FAM234A: variants seen among roughly 807,000 people sequenced by gnomAD.
The protein encoded by FAM234A is protein FAM234A.
In FAM234A, 42 loss-of-function variants were observed where a neutral mutation model predicts 49.1. That is an observed-to-expected ratio of 0.86 (90% CI 0.67 to 1.11). The LOEUF (loss-of-function observed/expected upper bound fraction) is 1.11. FAM234A is among the 50% of genes least tolerant of loss of function. The probability of loss-of-function intolerance (pLI) is 0.00; values close to 1 mark genes in which losing one functional copy is unlikely to be tolerated. For synonymous variants in FAM234A, 369 were observed against 316.2 expected, an observed-to-expected ratio of 1.17 and a Z score of -1.77; for missense variants, 815 against 745.2, an observed-to-expected ratio of 1.09 and a Z score of -1.09.
At chr16:256,902 C>T (rs1418597187) in intron 3 of FAM234A, among the ~76,000 whole-genome samples, 1 of 151,968 alleles carries the variant, frequency 6.6e-6, no homozygotes, top group Non-Finnish European at 1.5e-5. Flanking sequence ...GCCACCACAC[C>T]CGGCTAATTT....
At position 254,448 on chromosome 16, in the gene FAM234A, AC is replaced by A; in HGVS notation, c.39del (p.Leu14Ter). 1 of 1,614,156 alleles carries A rather than the reference AC, an allele frequency of 6.2e-7. No individual in the cohort carries two copies. Among genetic ancestry groups the A allele is most frequent in the Non-Finnish European group, 8.5e-7 (1 of 1,180,020 alleles). On this transcript the variant is annotated frameshift_variant, in exon 3 of 13. Coordinates refer to ENST00000399932, the MANE Select transcript of FAM234A (RefSeq NM_032039.4). LOFTEE classifies it high-confidence loss of function. ...CACAAGGACTTAGAGGCCGAAATCC[AC>A]CCCTTGAAAAATGAAGAAAGAAAAT... The part of the protein sequence containing the change: ...LDHKDLEAEI[H>X]PLKNEERKSQ...
intron 6 of FAM234A, 75 bp from the exon 7 acceptor site, chr16:262,018 C>T: frequency 1.3e-6 from 2 of 1,502,970 alleles, no homozygotes; most frequent in East Asian, 2.3e-5. Flanking sequence ...TCAGGTCCTT[C>T]TCTTCCTGGG....
intron 2 of FAM234A, among the ~76,000 whole-genome samples, chr16:252,182 T>C (rs2051043396): frequency 7.8e-6 from 1 of 129,012 alleles, no homozygotes; most frequent in East Asian, 2.5e-4. Context: ...TTTTCTGTTT[T>C]TTGTTTTTTT....
chr16:241,194 G>C (rs1596744333), intron 1 of FAM234A, among the ~76,000 whole-genome samples: 1 of 151,988 alleles, frequency 6.6e-6, no homozygotes, highest in East Asian at 1.9e-4. Flanking sequence ...TCCCGAAGTT[G>C]CTGGGATTAC....
downstream of FAM234A, chr16:269,188 C>G: frequency 1.8e-6 from 2 of 1,140,228 alleles, no homozygotes; most frequent in Non-Finnish European, 2.6e-6. Context: ...CCCCCAGGAC[C>G]TGGGCCAAGA....
intron 10 of FAM234A, 105 bp from the exon 11 acceptor site, chr16:263,911 C>A: frequency 7.0e-7 from 1 of 1,436,086 alleles, no homozygotes; most frequent in Non-Finnish European, 9.7e-7. Context: ...CTCAGAGCAT[C>A]TGCCTCCAGG....
At chr16:251,829 C>T (rs534413370) in intron 2 of FAM234A, among the ~76,000 whole-genome samples, 1 of 150,650 alleles carries the variant, frequency 6.6e-6, no homozygotes, top group Admixed American at 6.6e-5. Context: ...TGGTGAAACC[C>T]CATCTCTACT....
chr16:254,085 G>A, intron 2 of FAM234A: 1 of 357,912 alleles, frequency 2.8e-6, no homozygotes, highest in Non-Finnish European at 5.2e-6. Flanking sequence ...GGAGCTCATT[G>A]AGCATTTCCT....
At chr16:263,941 C>G in intron 10 of FAM234A, 75 bp from the exon 11 acceptor site, 4 of 1,514,124 alleles carry the variant, frequency 2.6e-6, no homozygotes, top group Non-Finnish European at 3.6e-6. Context: ...GCTGAGGGCA[C>G]GTGTGCCTGT....
At position 253,024 on chromosome 16, in the gene FAM234A, C is replaced by A. The variant is rs116933226; in HGVS notation, c.-33-1357C>A. ...CATCGGTTTGGTTGTTTAAAAGGAA[C>A]CAAAATAACAAAAATCTTGCCTGAG... On this transcript the variant is annotated intron_variant, in intron 2 of 12. Coordinates refer to ENST00000399932, the MANE Select transcript of FAM234A (RefSeq NM_032039.4). 9.7e-3 allele frequency among the ~76,000 whole-genome samples: 1,481 copies of A among 152,316 alleles called. 76 individuals are homozygous for A. In the East Asian group the frequency reaches 0.16, roughly 16 times the overall value.
chr16:250,414 G>A (rs1384759997), intron 2 of FAM234A, among the ~76,000 whole-genome samples: 1 of 151,816 alleles, frequency 6.6e-6, no homozygotes, highest in African/African-American at 2.4e-5. Context: ...GACAACCCAC[G>A]TCCTGCCTTC....
chr16:235,585 G>A (rs1192959630), intron 1 of FAM234A, among the ~76,000 whole-genome samples: 2 of 152,240 alleles, frequency 1.3e-5, no homozygotes, highest in Admixed American at 1.3e-4. Flanking sequence ...TAAACCTTGT[G>A]ATTCCAGCTG....
intron 1 of FAM234A, among the ~76,000 whole-genome samples, chr16:241,492 G>A (rs1305909560): frequency 6.6e-6 from 1 of 152,102 alleles, no homozygotes; most frequent in East Asian, 1.9e-4. Flanking sequence ...GGGAGCCTGA[G>A]GCGGGAGGAT....
chr16:237,045 C>T (rs1385245150), intron 1 of FAM234A, among the ~76,000 whole-genome samples: 5 of 151,498 alleles, frequency 3.3e-5, no homozygotes, highest in African/African-American at 9.7e-5. Flanking sequence ...TGAGCCACTG[C>T]GCCCAGCCTG....
At position 263,707 on chromosome 16, in the gene FAM234A, A is replaced by G. The variant is rs750278669; in HGVS notation, c.1120A>G (p.Ile374Val). Residue 374 changes from isoleucine (I) to valine (V), a missense_variant, in exon 10 of 13, where the codon ATC becomes GTC. By Grantham distance (29) the Ile-to-Val change is conservative. Transcript: ENST00000399932. ...TCCTCCATATTGTTCCAGAAAACCC[A>G]TCTTCGGCCGCTACAAACCAGACAC... The part of the protein sequence containing the change: ...PKAAHVLRKP[I>V]FGRYKPDTLA... 149 of 1,613,556 alleles carry G rather than the reference A, an allele frequency of 9.2e-5. No homozygotes were observed. The highest frequency in any genetic ancestry group is 2.0e-4 in the East Asian group (9 of 44,890).
At chr16:235,715 C>T (rs1038095522) in intron 1 of FAM234A, among the ~76,000 whole-genome samples, 2 of 152,190 alleles carry the variant, frequency 1.3e-5, no homozygotes, top group African/African-American at 4.8e-5. Context: ...AGCAGAATAA[C>T]TCAACAAATA....
intron 1 of FAM234A, among the ~76,000 whole-genome samples, chr16:241,864 C>T (rs1156419048): frequency 6.7e-6 from 1 of 149,848 alleles, no homozygotes; most frequent in Non-Finnish European, 1.5e-5. Context: ...CAAGATTGCA[C>T]CACTGCACTC....
chr16:267,123 G>A (rs912579591), downstream of FAM234A, among the ~76,000 whole-genome samples: 14 of 152,082 alleles, frequency 9.2e-5, no homozygotes, highest in South Asian at 2.1e-4. Flanking sequence ...TGGTCACTGC[G>A]GGCCCTAGAG....
chr16:264,833 C>G lies in FAM234A; in HGVS notation c.1470C>G (p.Arg490=), dbSNP rs1190010122. ...CAGCCGTCCTGTTTGAGCCAAGCCG[C>G]CACGCCGCCTACATCCTTCTGACAG... ...AFDAVLFEPS[R]HAAYILLTGP... The change falls in exon 13 of 13, where the codon CGC becomes CGG. Residue 490 remains arginine, a synonymous_variant. Transcript: ENST00000399932. The G allele has an allele frequency of 6.2e-7, 1 of 1,611,002 alleles. No individual in the cohort carries two copies. The highest frequency in any genetic ancestry group is 2.2e-5 in the East Asian group (1 of 44,856).
Sources: allele counts gnomAD v4.1 joint callset (sites outside exome capture counted in the v4.1 genomes callset), GRCh38; gene constraint gnomAD v4.1.1; transcripts MANE v1.5; gene names NCBI Gene and HGNC (gene_info 2026-07-23, HGNC 2026-07-21).